ACSM2A: variants seen among roughly 807,000 people sequenced by gnomAD.
ACSM2A encodes acyl-coenzyme A synthetase ACSM2A, mitochondrial.
Under a neutral mutation model 76.6 loss-of-function variants are expected in ACSM2A, and 72 were observed. That is an observed-to-expected ratio of 0.94 (90% CI 0.78 to 1.14). ACSM2A has a LOEUF of 1.14. Ranked by LOEUF, ACSM2A falls within the 50% of genes most tolerant of loss-of-function variation. ACSM2A has a pLI of 0.00. For missense variants in ACSM2A, 684 were observed against 708.5 expected (o/e 0.97, Z 0.39); for synonymous variants, 249 against 255.9 (o/e 0.97, Z 0.26).
intron 12 of ACSM2A, chr16:20,482,169 A>C (rs2014126418): frequency 6.6e-6 from 1 of 152,598 alleles, no homozygotes; most frequent in Admixed American, 6.6e-5. Flanking sequence ...AGAAAAAAAA[A>C]GAAAAAAAGA....
rs535053502 is a variant in ACSM2A, at chr16:20,469,720, G to T, written c.596+1G>T. On this transcript the variant is annotated splice_donor_variant, in intron 4 of 13. Coordinates refer to ENST00000573854, the MANE Select transcript of ACSM2A (RefSeq NM_001308172.2). LOFTEE classifies it high-confidence loss of function. ...GGCTGAACTTCAAGAAACTACTAAA[G>T]TGAGTATCTACATGTCTCAGCCTGG... 6.2e-7 allele frequency: 1 copy of T among 1,613,792 alleles called. No individual in the cohort carries two copies. The highest frequency in any genetic ancestry group is 8.5e-7 in the Non-Finnish European group (1 of 1,179,760).
chr16:20,461,481 A>G (rs1303806482), intron 2 of ACSM2A, among the ~76,000 whole-genome samples: 1 of 152,174 alleles, frequency 6.6e-6, no homozygotes, highest in Non-Finnish European at 1.5e-5. Context: ...TAAACATCAA[A>G]AAATATTTCC....
chr16:20,470,127 T>C (rs1458919029), intron 4 of ACSM2A, among the ~76,000 whole-genome samples: 1 of 151,984 alleles, frequency 6.6e-6, no homozygotes, highest in Non-Finnish European at 1.5e-5. Flanking sequence ...ACAGAGAAAC[T>C]ATGGGGCACA....
intron 6 of ACSM2A, among the ~76,000 whole-genome samples, chr16:20,471,957 C>A (rs535934308): frequency 6.6e-6 from 1 of 152,190 alleles, no homozygotes; most frequent in East Asian, 1.9e-4. Flanking sequence ...GTAACGGGCT[C>A]TTCCGCTGGT....
Position 20,471,066 on chromosome 16 carries a change from C to T in ACSM2A, c.597-7C>T, listed in dbSNP as rs4432261. The T allele has an allele frequency of 1.6e-4, 259 of 1,612,900 alleles. No individual in the cohort carries two copies. The highest frequency in any genetic ancestry group is 2.0e-4 in the Non-Finnish European group (233 of 1,179,294). ...TCTGAAAAAATGACAATCTGTGTCT[C>T]TGTCAGTGAGGCATCCACCACTCAT... is the stretch of plus-strand genomic sequence containing the variant. On this transcript the variant is annotated splice_polypyrimidine_tract_variant and splice_region_variant and intron_variant, in intron 4 of 13. Coordinates refer to ENST00000573854, the MANE Select transcript of ACSM2A (RefSeq NM_001308172.2).
At chr16:20,475,195 G>A (rs1226798337) in intron 6 of ACSM2A, among the ~76,000 whole-genome samples, 167 bp from the exon 7 acceptor site, 3 of 152,216 alleles carry the variant, frequency 2.0e-5, no homozygotes, top group South Asian at 2.1e-4. Flanking sequence ...TCTTCAGGGT[G>A]CATGAGAGTT....
intron 12 of ACSM2A, chr16:20,481,192 T>C: frequency 2.2e-6 from 1 of 451,930 alleles, no homozygotes; most frequent in Non-Finnish European, 4.0e-6. Flanking sequence ...TAAACAGAAC[T>C]ACCATACGAT....
chr16:20,459,592 C>G (rs1186111479), intron 1 of ACSM2A, among the ~76,000 whole-genome samples: 2 of 152,160 alleles, frequency 1.3e-5, no homozygotes, highest in Non-Finnish European at 2.9e-5. Context: ...AAGTCTCATG[C>G]AGAGGGGAGA....
rs45511400 is a variant in ACSM2A at position 20,486,445 on chromosome 16, A to G, written c.1630-129A>G. ...CCCAGAGCACTTTCTGAAGCTTCTT[A>G]TTGCACAGGGCAGCTGCCCTGAAGT... On this transcript the variant is annotated intron_variant, in intron 13 of 13. Transcript: ENST00000573854. The G allele has an allele frequency of 2.2e-3, 2,062 of 958,294 alleles. 3 individuals are homozygous for G. The highest frequency in any genetic ancestry group is 2.9e-3 in the Non-Finnish European group (1,818 of 620,848). 59.4% of individuals were successfully genotyped at this position (958,294 alleles called of 1,614,324 possible).
chr16:20,455,080 C>T (rs2012056986), intron 1 of ACSM2A, among the ~76,000 whole-genome samples: 1 of 130,014 alleles, frequency 7.7e-6, no homozygotes, highest in Non-Finnish European at 1.6e-5. Context: ...TTTGACTTAG[C>T]CAAATCCAAC....
intron 1 of ACSM2A, among the ~76,000 whole-genome samples, chr16:20,458,797 T>C (rs2012374840): frequency 7.0e-6 from 1 of 142,474 alleles, no homozygotes; most frequent in South Asian, 2.1e-4. Context: ...ATATTACATA[T>C]ATATAATATA....
intron 2 of ACSM2A, 35 bp from the exon 3 acceptor site, chr16:20,465,482 A>G (rs772435698): frequency 8.7e-6 from 14 of 1,610,018 alleles, no homozygotes; most frequent in Admixed American, 1.7e-5. Flanking sequence ...TTGTGTACCA[A>G]TGCCCCCTGA....
intron 2 of ACSM2A, among the ~76,000 whole-genome samples, chr16:20,461,120 T>C (rs986298689): frequency 6.1e-5 from 9 of 146,352 alleles, no homozygotes; most frequent in Admixed American, 6.1e-4. Context: ...GGATTCATTC[T>C]GGCTAGGGTA....
At chr16:20,460,019 G>A (rs1199985225) in intron 1 of ACSM2A, 88 bp from the exon 2 acceptor site, 13 of 1,442,532 alleles carry the variant, frequency 9.0e-6, no homozygotes, top group Non-Finnish European at 1.2e-5. Flanking sequence ...AATCCTATAA[G>A]GTTGGGATGA....
intron 13 of ACSM2A, among the ~76,000 whole-genome samples, chr16:20,486,182 A>G (rs2014374181): frequency 1.3e-5 from 2 of 152,230 alleles, no homozygotes; most frequent in South Asian, 2.1e-4. Context: ...TAATCACCCA[A>G]TGAAGTTACT....
chr16:20,477,244 G>C, intron 8 of ACSM2A, 125 bp from the exon 9 acceptor site: 1 of 1,413,412 alleles, frequency 7.1e-7, no homozygotes, highest in Non-Finnish European at 9.3e-7. Context: ...TGAGGAGCAG[G>C]GGGAGCCACC....
rs754557094 is a variant in ACSM2A, at chr16:20,475,724, G to A, written c.1049G>A (p.Arg350Lys). ...CTTCCAGAAACTCTGGAGAACTGGA[G>A]GGCCCAGACAGGACTGGACATCCGA... ...SLLPETLENW[R>K]AQTGLDIRES... The change falls in exon 8 of 14, where the codon AGG (arginine) becomes AAG (lysine). Residue 350 changes from arginine to lysine, a missense_variant. Arg to Lys is a conservative substitution (Grantham distance 26, BLOSUM62 2). Around this residue, in one of 3 missense-constraint regions of ACSM2A, gnomAD observed 519 missense variants for 549.5 expected, o/e 0.94. Transcript: ENST00000573854. 1 of 1,614,048 alleles carries A rather than the reference G, an allele frequency of 6.2e-7. No individual in the cohort carries two copies. The highest frequency in any genetic ancestry group is 8.5e-7 in the Non-Finnish European group (1 of 1,179,930).
intron 1 of ACSM2A, among the ~76,000 whole-genome samples, chr16:20,458,891 A>ATT (rs2012387351): frequency 5.3e-5 from 6 of 113,314 alleles, no homozygotes; most frequent in African/African-American, 2.1e-4. Context: ...CATAGTATAT[A>ATT]TTATATATAT....
chr16:20,465,221 T>A (rs896237753), intron 2 of ACSM2A, among the ~76,000 whole-genome samples: 15 of 152,252 alleles, frequency 9.9e-5, no homozygotes, highest in South Asian at 2.1e-4. Flanking sequence ...TTTGAAAAGT[T>A]TACTTTATCA....
Sources: allele counts gnomAD v4.1 joint callset (sites outside exome capture counted in the v4.1 genomes callset), GRCh38; gene constraint gnomAD v4.1.1; regional missense constraint gnomAD v4.1.1; transcripts MANE v1.5; gene names NCBI Gene and HGNC (gene_info 2026-07-23, HGNC 2026-07-21).